Variants in RPS6KC1 observed in about 807,000 individuals in gnomAD.
RPS6KC1 encodes ribosomal protein S6 kinase C1, also known as inactive ribosomal protein S6 kinase delta-1.
RPS6KC1 carries 54 observed loss-of-function variants against 103.8 expected under a neutral mutation model. The observed-to-expected ratio is 0.52, with a 90% CI of 0.42 to 0.65. The LOEUF is 0.65. RPS6KC1 is among the 30% of genes least tolerant of loss of function. RPS6KC1 has a pLI of 0.00. For missense variants in RPS6KC1, 1,151 were observed against 1,253.8 expected (o/e 0.92, Z 1.24); for synonymous variants, 439 against 438.7 (o/e 1.00, Z -0.01).
intron 6 of RPS6KC1, among the ~76,000 whole-genome samples, chr1:213,152,888 C>T (rs1382937022): frequency 2.0e-5 from 3 of 152,324 alleles, no homozygotes; most frequent in East Asian, 1.9e-4. Context: ...CCAAGGCAGG[C>T]GGCTGGGAGG....
chr1:213,172,776 T>C (rs2091574234), intron 7 of RPS6KC1, among the ~76,000 whole-genome samples: 1 of 152,194 alleles, frequency 6.6e-6, no homozygotes, highest in Non-Finnish European at 1.5e-5. Flanking sequence ...TGAAGATTGT[T>C]GGGTCATCAT....
intron 8 of RPS6KC1, among the ~76,000 whole-genome samples, chr1:213,212,463 C>T (rs1336139969): frequency 6.6e-6 from 1 of 152,114 alleles, no homozygotes; most frequent in African/African-American, 2.4e-5. Flanking sequence ...TGGATGACCC[C>T]AGTTTACCCA....
chr1:213,761,510 A>G, the RPS6KC1 span, among the ~76,000 whole-genome samples: 36 of 152,330 alleles, frequency 2.4e-4, no homozygotes, highest in African/African-American at 7.2e-4. Flanking sequence ...GTTCTATAAG[A>G]CTTCCATCAT....
chr1:213,182,731 G>GAGAT (rs760913479), intron 8 of RPS6KC1, among the ~76,000 whole-genome samples: 55 of 149,190 alleles, frequency 3.7e-4, no homozygotes, highest in Non-Finnish European at 5.8e-4. Context: ...ATAATATAAT[G>GAGAT]AGATATATAT....
the RPS6KC1 span, among the ~76,000 whole-genome samples, chr1:213,603,314 G>C: frequency 6.6e-6 from 1 of 152,116 alleles, no homozygotes; most frequent in Non-Finnish European, 1.5e-5. Context: ...CTCACCTCCT[G>C]GGTAACCCTC....
chr1:213,633,075 G>T, the RPS6KC1 span, among the ~76,000 whole-genome samples: 1 of 152,334 alleles, frequency 6.6e-6, no homozygotes. Flanking sequence ...CGTTTGATTG[G>T]TGTACCTGAA....
the RPS6KC1 span, chr1:213,817,918 G>T: frequency 6.6e-6 from 1 of 152,010 alleles, no homozygotes; most frequent in Admixed American, 6.6e-5. Flanking sequence ...CAATATCTGC[G>T]TAATTCTCAC....
chr1:213,583,296 C>T, the RPS6KC1 span, among the ~76,000 whole-genome samples: 7 of 152,274 alleles, frequency 4.6e-5, no homozygotes, highest in South Asian at 1.5e-3. Flanking sequence ...TGCTGGGCTG[C>T]ATAGTAAGTG....
At chr1:213,847,654 C>A in the RPS6KC1 span, among the ~76,000 whole-genome samples, 1 of 152,252 alleles carries the variant, frequency 6.6e-6, no homozygotes, top group South Asian at 2.1e-4. Flanking sequence ...CTGAAATGTT[C>A]TGCCCATCCC....
chr1:213,261,639 A>G lies in RPS6KC1; in HGVS notation c.2993A>G (p.Lys998Arg). The change falls in exon 13 of 15, where the codon AAG becomes AGG. Residue 998 changes from lysine to arginine, a missense_variant and splice_region_variant. Lys to Arg is a conservative substitution (Grantham distance 26). Around this residue, in one of 3 missense-constraint regions of RPS6KC1, gnomAD observed 189 missense variants for 228.8 expected, o/e 0.83. Coordinates refer to ENST00000366960, the MANE Select transcript of RPS6KC1 (RefSeq NM_012424.6). The stretch of plus-strand genomic sequence containing the variant: ...GTCCTCTTTGAACTTCTCACTGGCA[A>G]GGTAAGCAGTGGCCTGGACGTTTAA... ...GAVLFELLTG[K>R]TLVECHPAGI... is the part of the protein sequence containing the mutation. The G allele has an allele frequency of 6.2e-7, 1 of 1,613,188 alleles. No homozygotes were observed. The highest frequency in any genetic ancestry group is 8.5e-7 in the Non-Finnish European group (1 of 1,179,156).
Position 213,180,883 on chromosome 1 carries a change from A to C in RPS6KC1, c.1044+4391A>C, listed in dbSNP as rs1313895907. ...TTTGGTAGTAGAATGCCCAAGTGCT[A>C]AGAGAGTTTCTGAGAAAGATCACTG... On this transcript the variant is annotated intron_variant, in intron 8 of 14. Transcript: ENST00000366960. 2.6e-5 allele frequency among the ~76,000 whole-genome samples: 4 copies of C among 152,208 alleles called. No individual in the cohort carries two copies. The East Asian group carries it at 7.7e-4, about 29-fold the overall frequency.
chr1:213,801,151 A>G, the RPS6KC1 span, among the ~76,000 whole-genome samples: 1 of 152,126 alleles, frequency 6.6e-6, no homozygotes, highest in Admixed American at 6.5e-5. Context: ...TCATTTTGTC[A>G]TCTTAGTGAC....
At chr1:213,712,339 C>G in the RPS6KC1 span, among the ~76,000 whole-genome samples, 61 of 152,278 alleles carry the variant, frequency 4.0e-4, no homozygotes, top group Non-Finnish European at 8.2e-4. Context: ...CTACTCAACC[C>G]TCAGCAATGG....
the RPS6KC1 span, among the ~76,000 whole-genome samples, chr1:213,687,862 C>G: frequency 2.0e-5 from 3 of 152,128 alleles, no homozygotes; most frequent in African/African-American, 7.2e-5. Flanking sequence ...GCTTAGTGGT[C>G]GCTCTTTGAA....
At chr1:213,589,425 A>AG in the RPS6KC1 span, among the ~76,000 whole-genome samples, 1 of 152,120 alleles carries the variant, frequency 6.6e-6, no homozygotes, top group Non-Finnish European at 1.5e-5. Context: ...AGATCACCTG[A>AG]GGTCAGGAGT....
the RPS6KC1 span, among the ~76,000 whole-genome samples, chr1:213,313,260 G>A: frequency 6.6e-6 from 1 of 152,260 alleles, no homozygotes; most frequent in East Asian, 1.9e-4. Flanking sequence ...AGGCAGATAG[G>A]TGGCCACCAA....
chr1:213,461,246 A>G, the RPS6KC1 span, among the ~76,000 whole-genome samples: 2 of 152,234 alleles, frequency 1.3e-5, no homozygotes, highest in African/African-American at 4.8e-5. Context: ...GACCTCTTCA[A>G]GGAGAACTAC....
chr1:213,681,163 C>T, the RPS6KC1 span, among the ~76,000 whole-genome samples: 1 of 152,110 alleles, frequency 6.6e-6, no homozygotes, highest in East Asian at 1.9e-4. Context: ...CACTAGCTCT[C>T]ACTCCCTAGG....
the RPS6KC1 span, among the ~76,000 whole-genome samples, chr1:213,623,447 G>A: frequency 1.3e-5 from 2 of 152,066 alleles, no homozygotes; most frequent in East Asian, 1.9e-4. Context: ...GAGGGATGCC[G>A]GAAATATAAA....
Sources: gnomAD v4.1 joint callset for allele counts (sites outside exome capture counted in the v4.1 genomes callset) on GRCh38, gnomAD v4.1.1 for gene constraint, gnomAD v4.1.1 regional missense constraint, MANE v1.5 for transcripts, NCBI Gene and HGNC (gene_info 2026-07-23, HGNC 2026-07-21) for gene names.